The following SPATA17 variants were observed in gnomAD, a reference collection of about 807,000 sequenced individuals.
SPATA17 encodes spermatogenesis-associated protein 17.
Under a neutral mutation model 62.2 loss-of-function variants are expected in SPATA17, and 53 were observed. The ratio of observed to expected loss-of-function variants is 0.85; its 90% CI spans 0.68 to 1.07. The LOEUF (loss-of-function observed/expected upper bound fraction) is 1.07, where lower values mean the gene tolerates loss of function less well. Ranked by LOEUF, SPATA17 falls within the 50% of genes least tolerant of loss-of-function variation. The pLI is 0.00. For missense variants in SPATA17, 466 were observed against 425.5 expected, an observed-to-expected ratio of 1.10 and a Z score of -0.84; for synonymous variants, 146 against 146.8, an observed-to-expected ratio of 0.99 and a Z score of 0.04.
intron 5 of SPATA17, among the ~76,000 whole-genome samples, chr1:217,731,454 C>T (rs1386104624): frequency 6.6e-6 from 1 of 152,208 alleles, no homozygotes; most frequent in African/African-American, 2.4e-5. Flanking sequence ...TTCATGTAGG[C>T]ACCCAAGCCA....
chr1:217,748,235 G>C (rs983662605), intron 6 of SPATA17, among the ~76,000 whole-genome samples: 1 of 148,488 alleles, frequency 6.7e-6, no homozygotes, highest in Admixed American at 6.7e-5. Flanking sequence ...CCTGGGAGGC[G>C]GAGCTTGCAG....
At chr1:217,643,859 G>T (rs1670126003) in intron 1 of SPATA17, among the ~76,000 whole-genome samples, 1 of 151,846 alleles carries the variant, frequency 6.6e-6, no homozygotes, top group African/African-American at 2.4e-5. Flanking sequence ...CTCCCAAGTA[G>T]CTGGGATTAC....
rs557763527 is a variant in SPATA17 at position 217,649,936 on chromosome 1, T to C, written c.158+965T>C. Among the ~76,000 whole-genome samples the C allele has an allele frequency of 2.8e-3, 392 of 142,350 alleles. 3 individuals carry two copies. Among genetic ancestry groups the C allele is most frequent in the African/African-American group, 9.5e-3 (371 of 39,182 alleles). The allele number at this position is 142,350 out of a possible 152,430, so 93.4% of individuals were successfully genotyped here. A position where few individuals can be genotyped will look rare whatever the true frequency, so the allele number is the denominator to read the frequency against. On this transcript the variant is annotated intron_variant, in intron 2 of 10. Transcript: ENST00000366933. ...AAGTGTGAAGACAAGGCTTCTCTCT[T>C]TTTTTTTTTTTTTTTTTTCTGAAAC...
At chr1:217,754,004 G>A (rs1364726067) in intron 6 of SPATA17, among the ~76,000 whole-genome samples, 1 of 152,134 alleles carries the variant, frequency 6.6e-6, no homozygotes, top group African/African-American at 2.4e-5. Flanking sequence ...GGGAGGCCAA[G>A]GCAGGCAGAT....
intron 6 of SPATA17, among the ~76,000 whole-genome samples, chr1:217,742,375 G>A (rs1009731304): frequency 1.3e-5 from 2 of 152,126 alleles, no homozygotes; most frequent in East Asian, 1.9e-4. Context: ...GCATAACCTC[G>A]CTTTCAAAAC....
chr1:217,642,160 A>G (rs1670080557), intron 1 of SPATA17, among the ~76,000 whole-genome samples: 1 of 152,212 alleles, frequency 6.6e-6, no homozygotes, highest in Admixed American at 6.5e-5. Flanking sequence ...CCCATGACTG[A>G]CAATATTCAT....
At chr1:217,858,788 G>T (rs1476683634) in intron 9 of SPATA17, among the ~76,000 whole-genome samples, 2 of 152,124 alleles carry the variant, frequency 1.3e-5, no homozygotes, top group Non-Finnish European at 2.9e-5. Flanking sequence ...CCAGCACTTT[G>T]GGAGGCCAAG....
In SPATA17 at chr1:217,656,578, G is replaced by GTATGTATGTATT. The variant is rs1553362117; in HGVS notation, c.240+5403_240+5404insGTATGTATTTAT. Among the ~76,000 whole-genome samples, 128 of 150,990 alleles carry GTATGTATGTATT rather than the reference G, an allele frequency of 8.5e-4. 1 individual carries two copies. Among genetic ancestry groups the GTATGTATGTATT allele is most frequent in the African/African-American group, 2.6e-3 (107 of 41,296 alleles). On this transcript the variant is annotated intron_variant, in intron 3 of 10. Coordinates refer to ENST00000366933, the MANE Select transcript of SPATA17 (RefSeq NM_138796.4). Reference sequence around the variant, plus strand: ...TGTATGTATGTATGTATGTATGTATGTATTTATTTATTTTTGCCATTGTGT... The same window carrying GTATGTATGTATT: ...TGTATGTATGTATGTATGTATGTATGTATGTATGTATTTATTTATTTATTTTTGCCATTGTGT...
chr1:217,821,564 G>T (rs1674863238), intron 9 of SPATA17, among the ~76,000 whole-genome samples: 2 of 151,928 alleles, frequency 1.3e-5, no homozygotes, highest in African/African-American at 4.8e-5. Flanking sequence ...GACTAGAGTT[G>T]GTTCGATTAG....
intron 9 of SPATA17, among the ~76,000 whole-genome samples, chr1:217,850,988 T>A (rs1271206037): frequency 6.6e-6 from 1 of 152,160 alleles, no homozygotes; most frequent in Non-Finnish European, 1.5e-5. Flanking sequence ...AAGGATTTCC[T>A]GGAGGAAGTA....
chr1:217,632,189 T>C (rs1365262919), intron 1 of SPATA17, among the ~76,000 whole-genome samples: 4 of 151,476 alleles, frequency 2.6e-5, no homozygotes, highest in African/African-American at 9.7e-5. Context: ...TCTCAATAAA[T>C]AAATAAATAA....
At chr1:217,852,710 T>C (rs1675694293) in intron 9 of SPATA17, among the ~76,000 whole-genome samples, 1 of 152,152 alleles carries the variant, frequency 6.6e-6, no homozygotes, top group Admixed American at 6.6e-5. Flanking sequence ...AATAAATCAA[T>C]CTTTCTAGCA....
At chr1:217,781,576 A>C (rs1455546797) in intron 7 of SPATA17, among the ~76,000 whole-genome samples, 1 of 152,192 alleles carries the variant, frequency 6.6e-6, no homozygotes, top group Non-Finnish European at 1.5e-5. Flanking sequence ...GTGTCATCAA[A>C]AGGTTGCTAT....
At chr1:217,690,109 G>T (rs111483099) in intron 5 of SPATA17, among the ~76,000 whole-genome samples, 8,477 of 152,024 alleles carry the variant, frequency 0.056, 258 homozygotes, top group Middle Eastern at 0.071. Flanking sequence ...CACCATATTG[G>T]TCAGGCTGGT....
intron 4 of SPATA17, among the ~76,000 whole-genome samples, chr1:217,675,365 C>T (rs537613724): frequency 5.3e-5 from 8 of 152,260 alleles, no homozygotes; most frequent in Non-Finnish European, 1.0e-4. Context: ...ATTCAAAAGA[C>T]AAATTGCTAA....
chr1:217,682,922 GA>G (rs1218286292), intron 4 of SPATA17, among the ~76,000 whole-genome samples: 110 of 148,876 alleles, frequency 7.4e-4, no homozygotes, highest in Middle Eastern at 3.5e-3. Flanking sequence ...AGTTGGCTAT[GA>G]AAAAAAAAAT....
intron 6 of SPATA17, among the ~76,000 whole-genome samples, chr1:217,754,289 C>T (rs1672987356): frequency 6.6e-6 from 1 of 152,124 alleles, no homozygotes; most frequent in South Asian, 2.1e-4. Context: ...AAGTTAATTA[C>T]AATCAATTCT....
intron 9 of SPATA17, among the ~76,000 whole-genome samples, chr1:217,807,740 C>G (rs61825830): frequency 0.032 from 4,831 of 152,056 alleles, 112 homozygotes; most frequent in Middle Eastern, 0.065. Context: ...ATTTTTTTAT[C>G]TGATTTCAAA....
intron 7 of SPATA17, among the ~76,000 whole-genome samples, chr1:217,779,848 A>G (rs941026343): frequency 6.6e-6 from 1 of 152,126 alleles, no homozygotes; most frequent in East Asian, 1.9e-4. Context: ...TATGGTTTTA[A>G]TAATGGCTTA....
Sources: gnomAD v4.1 joint callset for allele counts (sites outside exome capture counted in the v4.1 genomes callset) on GRCh38, gnomAD v4.1.1 for gene constraint, MANE v1.5 for transcripts, NCBI Gene and HGNC (gene_info 2026-07-23, HGNC 2026-07-21) for gene names.